The following BPTF variants were observed in gnomAD, a reference collection of about 807,000 sequenced individuals.
BPTF encodes the protein nucleosome-remodeling factor subunit BPTF.
A neutral mutation model predicts 292.5 loss-of-function variants in BPTF; 18 were observed. The ratio of observed to expected loss-of-function variants is 0.06; its 90% CI spans 0.04 to 0.09. The LOEUF (loss-of-function observed/expected upper bound fraction) is 0.09. Ranked by LOEUF, BPTF falls within the 10% of genes least tolerant of loss-of-function variation. The pLI, the probability that BPTF is intolerant of heterozygous loss-of-function variation, is 1.00. For missense variants in BPTF, 2,726 were observed against 3,498.7 expected (o/e 0.78, Z 5.57); for synonymous variants, 1,225 against 1,251.9 (o/e 0.98, Z 0.45).
chr17:67,931,854 A>G (rs1598744222), intron 17 of BPTF, 57 bp from the exon 18 acceptor site: 1 of 1,335,034 alleles, frequency 7.5e-7, no homozygotes, highest in Admixed American at 2.0e-5. Flanking sequence ...TTCTAAGTCC[A>G]TTATACTTTA....
At chr17:67,858,802 T>G (rs2058893099) in intron 2 of BPTF, among the ~76,000 whole-genome samples, 2 of 152,214 alleles carry the variant, frequency 1.3e-5, no homozygotes, top group African/African-American at 4.8e-5. Flanking sequence ...TGTGCCTTCC[T>G]TTCTGTGCTG....
At chr17:67,890,694 A>G (rs1294110161) in intron 4 of BPTF, among the ~76,000 whole-genome samples, 1 of 152,222 alleles carries the variant, frequency 6.6e-6, no homozygotes, top group Admixed American at 6.5e-5. Context: ...CCCAAAGGAA[A>G]GAAGGGGTAT....
chr17:67,920,177 C>A, intron 13 of BPTF, 34 bp downstream of exon 13: 3 of 1,582,818 alleles, frequency 1.9e-6, no homozygotes, highest in Non-Finnish European at 1.7e-6. Flanking sequence ...TCATGATTAA[C>A]CTGTTAACCA....
chr17:67,888,000 A>G (rs8077757), intron 4 of BPTF, among the ~76,000 whole-genome samples: 15,317 of 152,248 alleles, frequency 0.1, 2,636 homozygotes, highest in African/African-American at 0.35. Context: ...CAGGGCAGGC[A>G]AGGTACTACG....
At position 67,948,264 on chromosome 17, in the gene BPTF, G is replaced by A. The variant is rs1555676602; in HGVS notation, c.7884G>A (p.Lys2628=). 6.2e-7 allele frequency: 1 copy of A among 1,613,990 alleles called. No homozygotes were observed. Among genetic ancestry groups the A allele is most frequent in the Non-Finnish European group, 8.5e-7 (1 of 1,180,030 alleles). ...HKEQLRAEIL[K]KRALLDKDLQ... Reference sequence around the variant, plus strand: ...AGCAGCTCAGAGCCGAGATCCTGAAGAAGAGAGCACTCCTGGACAAGGATC... The same window carrying A: ...AGCAGCTCAGAGCCGAGATCCTGAAAAAGAGAGCACTCCTGGACAAGGATC... Residue 2628 remains lysine, a synonymous_variant, in exon 23 of 28, where the codon AAG becomes AAA. Coordinates refer to ENST00000306378, the MANE Select transcript of BPTF (RefSeq NM_182641.4).
At chr17:67,884,206 CA>C (rs2060604914) in intron 4 of BPTF, among the ~76,000 whole-genome samples, 1 of 149,340 alleles carries the variant, frequency 6.7e-6, no homozygotes, top group Non-Finnish European at 1.5e-5. Flanking sequence ...GGCGCAATCT[CA>C]GCTCACTGCA....
chr17:67,890,634 C>T (rs2061048431), intron 4 of BPTF, among the ~76,000 whole-genome samples: 1 of 152,096 alleles, frequency 6.6e-6, no homozygotes, highest in African/African-American at 2.4e-5. Flanking sequence ...GCAGCCCTGG[C>T]AGAATCATAT....
At chr17:67,847,995 A>T (rs1383565139) in intron 1 of BPTF, among the ~76,000 whole-genome samples, 3 of 152,196 alleles carry the variant, frequency 2.0e-5, no homozygotes, top group Admixed American at 2.0e-4. Flanking sequence ...GTTCTGGAGT[A>T]TTAACTTCGG....
At chr17:67,972,867 G>A (rs1021735258) in intron 26 of BPTF, among the ~76,000 whole-genome samples, 37 of 151,456 alleles carry the variant, frequency 2.4e-4, no homozygotes, top group East Asian at 3.9e-4. Flanking sequence ...TGATGTGTGC[G>A]TTCTTTCCTG....
intron 24 of BPTF, 47 bp from the exon 25 acceptor site, chr17:67,964,165 A>C (rs1555685465): frequency 1.3e-6 from 2 of 1,562,896 alleles, no homozygotes; most frequent in Non-Finnish European, 1.7e-6. Context: ...TATAAGTAAC[A>C]TCATCCCATG....
chr17:67,931,965 C>G lies in BPTF; in HGVS notation c.6205C>G (p.Gln2069Glu), dbSNP rs755693099. ...TATGACCGTGATTAGAACACCACTCCAACAGTCAACACTAGGAAAGGCAAT... is the reference window on the plus strand; with the variant it reads ...TATGACCGTGATTAGAACACCACTCGAACAGTCAACACTAGGAAAGGCAAT... ...PGMTVIRTPL[Q>E]QSTLGKAIIR... The change falls in exon 18 of 28, where the codon CAA becomes GAA. Residue 2069 changes from glutamine (Q) to glutamate (E), a missense_variant. Gln to Glu is a conservative substitution (Grantham distance 29, BLOSUM62 2). Around this residue, in one of 22 missense-constraint regions of BPTF, gnomAD observed 570 missense variants for 633.5 expected, o/e 0.90. Transcript: ENST00000306378. 1.2e-6 allele frequency: 2 copies of G among 1,614,032 alleles called. No homozygotes were observed. The highest frequency in any genetic ancestry group is 2.2e-5 in the South Asian group (2 of 91,066).
chr17:67,945,620 T>C lies in BPTF; in HGVS notation c.6912T>C (p.Thr2304=), dbSNP rs2147939966. 1 of 1,612,076 alleles carries C rather than the reference T, an allele frequency of 6.2e-7. No individual in the cohort carries two copies. Among genetic ancestry groups the C allele is most frequent in the Non-Finnish European group, 8.5e-7 (1 of 1,178,888 alleles). The change falls in exon 21 of 28, where the codon ACT becomes ACC. Residue 2304 remains threonine, a synonymous_variant. Transcript: ENST00000306378. The part of the protein sequence containing the change: ...QTQPEVQTQT[T]VSSHVPSEAQ... Reference sequence around the variant, plus strand: ...AGCCTGAAGTTCAGACCCAAACAACTGTTTCATCCCATGTCCCTTCTGAAG... The same window carrying C: ...AGCCTGAAGTTCAGACCCAAACAACCGTTTCATCCCATGTCCCTTCTGAAG...
chr17:67,897,164 T>G (rs946057791), intron 7 of BPTF, among the ~76,000 whole-genome samples: 5 of 139,326 alleles, frequency 3.6e-5, no homozygotes, highest in Non-Finnish European at 7.8e-5. Context: ...CTTTCTCTAC[T>G]TAAAAAAAAC....
At chr17:67,826,405 G>C (rs2056039359) in intron 1 of BPTF, 68 bp downstream of exon 1, 2 of 1,481,738 alleles carry the variant, frequency 1.3e-6, no homozygotes, top group Admixed American at 4.4e-5. Flanking sequence ...TTGCTCACTC[G>C]TGTGCTGTGC....
intron 5 of BPTF, among the ~76,000 whole-genome samples, chr17:67,892,450 A>G (rs2146282790): frequency 6.6e-6 from 1 of 152,356 alleles, no homozygotes; most frequent in Middle Eastern, 3.4e-3. Flanking sequence ...GATGAGGCTT[A>G]CCCACTGATA....
At chr17:67,966,968 T>G (rs1168855196) in intron 26 of BPTF, among the ~76,000 whole-genome samples, 1 of 151,304 alleles carries the variant, frequency 6.6e-6, no homozygotes, top group Non-Finnish European at 1.5e-5. Context: ...GGCATGGTGG[T>G]GCATGCCTGT....
rs933932101 is a variant in BPTF, at chr17:67,897,180, C to A, written c.2543+3015C>A. ...TTTCTCTACTTAAAAAAAACAAAAA[C>A]AAAAAACGAAATTAACCAGGCGTGG... is the stretch of plus-strand genomic sequence containing the variant. On this transcript the variant is annotated intron_variant, in intron 7 of 27. Coordinates refer to ENST00000306378, the MANE Select transcript of BPTF (RefSeq NM_182641.4). Among the ~76,000 whole-genome samples the A allele has an allele frequency of 3.8e-4, 56 of 147,642 alleles. No homozygotes were observed. In the East Asian group the frequency reaches 9.8e-3, roughly 26 times the overall value.
intron 7 of BPTF, among the ~76,000 whole-genome samples, chr17:67,898,496 G>A (rs1225117870): frequency 6.6e-6 from 1 of 151,844 alleles, no homozygotes; most frequent in Admixed American, 6.6e-5. Context: ...TTTTCGTAGA[G>A]ATGGGGTCTC....
At chr17:67,943,871 A>G (rs1388197765) in intron 19 of BPTF, among the ~76,000 whole-genome samples, 1 of 152,180 alleles carries the variant, frequency 6.6e-6, no homozygotes, top group Non-Finnish European at 1.5e-5. Flanking sequence ...TTTATTTTAT[A>G]GATTGGGAAA....
Sources: allele counts gnomAD v4.1 joint callset (sites outside exome capture counted in the v4.1 genomes callset), GRCh38; gene constraint gnomAD v4.1.1; regional missense constraint gnomAD v4.1.1; transcripts MANE v1.5; gene names NCBI Gene and HGNC (gene_info 2026-07-23, HGNC 2026-07-21).